SPIDR: variants seen among roughly 807,000 people sequenced by gnomAD.
The protein encoded by SPIDR is DNA repair-scaffolding protein.
SPIDR carries 93 observed loss-of-function variants against 104.6 expected under a neutral mutation model. That is an observed-to-expected ratio of 0.89 (90% CI 0.75 to 1.06). SPIDR has a LOEUF of 1.06. Among genes scored for constraint, SPIDR ranks in the 50% least tolerant of loss-of-function variants. The pLI, the probability that SPIDR is intolerant of heterozygous loss-of-function variation, is 0.00. For synonymous variants in SPIDR, 431 were observed against 416.9 expected (o/e 1.03, Z -0.41); for missense variants, 1,154 against 1,111.2 (o/e 1.04, Z -0.55).
intron 8 of SPIDR, among the ~76,000 whole-genome samples, chr8:47,484,242 T>C (rs370734764): frequency 6.6e-6 from 1 of 152,224 alleles, no homozygotes; most frequent in African/African-American, 2.4e-5. Context: ...ATAGAAGCAA[T>C]CATAGCAATG....
At chr8:47,446,997 T>C (rs2070765794) in intron 8 of SPIDR, among the ~76,000 whole-genome samples, 1 of 152,108 alleles carries the variant, frequency 6.6e-6, no homozygotes, top group Non-Finnish European at 1.5e-5. Flanking sequence ...ATATCAACAT[T>C]ATCAGGAGTA....
At chr8:47,418,870 G>C (rs2064876375) in intron 7 of SPIDR, among the ~76,000 whole-genome samples, 1 of 152,174 alleles carries the variant, frequency 6.6e-6, no homozygotes, top group South Asian at 2.1e-4. Flanking sequence ...CATCTATTGA[G>C]ATATTCATGT....
intron 8 of SPIDR, among the ~76,000 whole-genome samples, chr8:47,445,488 T>C (rs1018828311): frequency 1.3e-5 from 2 of 152,158 alleles, no homozygotes; most frequent in Non-Finnish European, 2.9e-5. Flanking sequence ...GACACAACAG[T>C]ATTGAAATCT....
At chr8:47,503,580 C>G (rs1020807819) in intron 8 of SPIDR, among the ~76,000 whole-genome samples, 2 of 152,122 alleles carry the variant, frequency 1.3e-5, no homozygotes, top group Non-Finnish European at 2.9e-5. Flanking sequence ...TGGGTCTCGA[C>G]TCTATCCAAT....
At chr8:47,366,606 A>G (rs2057254186) in intron 5 of SPIDR, among the ~76,000 whole-genome samples, 1 of 152,238 alleles carries the variant, frequency 6.6e-6, no homozygotes. Context: ...GATAACATAG[A>G]GTAAATGATA....
At chr8:47,382,386 C>A (rs1554645914) in intron 5 of SPIDR, among the ~76,000 whole-genome samples, 11 of 152,110 alleles carry the variant, frequency 7.2e-5, no homozygotes, top group Non-Finnish European at 1.5e-5. Context: ...TTATATAAAG[C>A]ATTGTGCTAA....
At chr8:47,264,159 C>G (rs1439516561) in intron 1 of SPIDR, among the ~76,000 whole-genome samples, 1 of 152,102 alleles carries the variant, frequency 6.6e-6, no homozygotes, top group Non-Finnish European at 1.5e-5. Context: ...TATCACGACT[C>G]TTAAGATGAA....
chr8:47,606,321 CAT>C (rs1193542698), intron 10 of SPIDR, among the ~76,000 whole-genome samples: 2 of 151,532 alleles, frequency 1.3e-5, no homozygotes, highest in African/African-American at 4.9e-5. Context: ...AGATCGAGAC[CAT>C]CCTGGCTAAC....
At position 47,524,667 on chromosome 8, in the gene SPIDR, C is replaced by T. The variant is rs532842952; in HGVS notation, c.1098-71144C>T. On this transcript the variant is annotated intron_variant, in intron 8 of 19. Coordinates refer to ENST00000297423, the MANE Select transcript of SPIDR (RefSeq NM_001080394.4). ...GCGACTGTCCTGATTCTCTGAAGGT[C>T]TCAAAGCATTTTCATATTAAGTTAT... 3.3e-5 allele frequency among the ~76,000 whole-genome samples: 5 copies of T among 152,204 alleles called. No homozygotes were observed. The South Asian group carries it at 6.2e-4, about 19-fold the overall frequency.
chr8:47,591,849 G>C (rs2061048753), intron 8 of SPIDR, among the ~76,000 whole-genome samples: 1 of 151,866 alleles, frequency 6.6e-6, no homozygotes, highest in Non-Finnish European at 1.5e-5. Flanking sequence ...TTCATTCACA[G>C]TGCTTTATAC....
chr8:47,317,563 G>C (rs1433020844), intron 5 of SPIDR, among the ~76,000 whole-genome samples: 4 of 152,056 alleles, frequency 2.6e-5, no homozygotes, highest in Non-Finnish European at 5.9e-5. Context: ...AGAATCCTCT[G>C]TAGACTTAAA....
At chr8:47,373,684 G>A (rs1296301250) in intron 5 of SPIDR, among the ~76,000 whole-genome samples, 3 of 152,116 alleles carry the variant, frequency 2.0e-5, no homozygotes, top group South Asian at 2.1e-4. Flanking sequence ...AATCAAGGAG[G>A]GTGTTAGTGG....
intron 5 of SPIDR, among the ~76,000 whole-genome samples, chr8:47,308,764 A>G (rs782187799): frequency 2.6e-4 from 39 of 152,166 alleles, no homozygotes; most frequent in Non-Finnish European, 4.7e-4. Flanking sequence ...CACATGCCCT[A>G]TATTTGGAAG....
intron 11 of SPIDR, among the ~76,000 whole-genome samples, chr8:47,692,827 G>A (rs1367407181): frequency 4.6e-5 from 7 of 152,144 alleles, no homozygotes; most frequent in Admixed American, 6.6e-5. Flanking sequence ...AACAGTTGAT[G>A]GACATTTGGG....
intron 5 of SPIDR, among the ~76,000 whole-genome samples, chr8:47,319,850 G>T (rs369186967): frequency 6.6e-6 from 1 of 151,818 alleles, no homozygotes; most frequent in Non-Finnish European, 1.5e-5. Context: ...ATGACTACTG[G>T]GTACATAACG....
At chr8:47,410,528 C>T (rs1227968324) in intron 7 of SPIDR, among the ~76,000 whole-genome samples, 1 of 151,994 alleles carries the variant, frequency 6.6e-6, no homozygotes, top group African/African-American at 2.4e-5. Context: ...GTTATACTTA[C>T]GACTTTGTTT....
chr8:47,350,777 TTGAGAAACAACTTCTGTG>T (rs1554621865), intron 5 of SPIDR, among the ~76,000 whole-genome samples: 9 of 152,218 alleles, frequency 5.9e-5, no homozygotes. Context: ...ACTATAACAT[TTGAGAAACAACTTCTGTG>T]TGATACACAG....
At chr8:47,524,464 G>A (rs931152753) in intron 8 of SPIDR, among the ~76,000 whole-genome samples, 1 of 152,142 alleles carries the variant, frequency 6.6e-6, no homozygotes, top group Non-Finnish European at 1.5e-5. Flanking sequence ...CACTATTTTG[G>A]TAGGTCAGCC....
chr8:47,392,140 A>G (rs1311299640), intron 5 of SPIDR, among the ~76,000 whole-genome samples: 1 of 152,228 alleles, frequency 6.6e-6, no homozygotes, highest in Non-Finnish European at 1.5e-5. Context: ...AACATTTGCT[A>G]AATGCTTATA....
Sources: allele counts gnomAD v4.1 joint callset (sites outside exome capture counted in the v4.1 genomes callset), GRCh38; gene constraint gnomAD v4.1.1; transcripts MANE v1.5; gene names NCBI Gene and HGNC (gene_info 2026-07-23, HGNC 2026-07-21).